PLD1: variants seen among roughly 807,000 people sequenced by gnomAD.
PLD1 encodes the protein phospholipase D1.
A neutral mutation model predicts 137.1 loss-of-function variants in PLD1; 112 were observed. The ratio of observed to expected loss-of-function variants is 0.82; its 90% CI spans 0.70 to 0.96. The LOEUF is 0.96. PLD1 is among the 40% of genes least tolerant of loss of function. The pLI, the probability that PLD1 is intolerant of heterozygous loss-of-function variation, is 0.00. For missense variants in PLD1, 1,321 were observed against 1,342.0 expected (o/e 0.98, Z 0.24); for synonymous variants, 431 against 454.7 (o/e 0.95, Z 0.66).
chr3:171,746,518 A>C (rs1338609092), intron 1 of PLD1, among the ~76,000 whole-genome samples: 7 of 152,316 alleles, frequency 4.6e-5, no homozygotes, highest in African/African-American at 1.4e-4. Flanking sequence ...TAAATACAAC[A>C]ATCAGCACTC....
At chr3:171,666,120 T>G (rs1294628672) in intron 19 of PLD1, 1 of 152,280 alleles carries the variant, frequency 6.6e-6, no homozygotes, top group Non-Finnish European at 1.5e-5. Flanking sequence ...CTTAACTGCT[T>G]TAAATGCTTG....
intron 1 of PLD1, among the ~76,000 whole-genome samples, chr3:171,779,397 A>T (rs747447746): frequency 7.2e-5 from 11 of 152,130 alleles, no homozygotes; most frequent in Non-Finnish European, 1.5e-4. Context: ...AGACTCTAAG[A>T]CTCATATGAG....
chr3:171,701,042 C>A (rs1716195452), intron 11 of PLD1, among the ~76,000 whole-genome samples: 1 of 152,174 alleles, frequency 6.6e-6, no homozygotes, highest in East Asian at 1.9e-4. Context: ...TCCCAGGCAG[C>A]CCTCTAAGCA....
intron 1 of PLD1, among the ~76,000 whole-genome samples, chr3:171,760,784 C>G (rs530182560): frequency 6.6e-6 from 1 of 152,288 alleles, no homozygotes; most frequent in African/African-American, 2.4e-5. Flanking sequence ...GAATCACATG[C>G]ATGAGTTTTC....
chr3:171,725,893 C>T, intron 7 of PLD1, 125 bp downstream of exon 7: 1 of 694,126 alleles, frequency 1.4e-6, no homozygotes. Flanking sequence ...GTTGCTCTAA[C>T]TACTGGGGAG....
intron 11 of PLD1, among the ~76,000 whole-genome samples, chr3:171,707,731 A>T (rs1379123193): frequency 1.3e-5 from 2 of 152,178 alleles, no homozygotes; most frequent in African/African-American, 4.8e-5. Flanking sequence ...GGAACTTACT[A>T]CTGGTACCTA....
intron 23 of PLD1, among the ~76,000 whole-genome samples, chr3:171,623,210 C>A (rs1733780106): frequency 6.6e-6 from 1 of 151,586 alleles, no homozygotes; most frequent in South Asian, 2.1e-4. Context: ...CCAACAAGTT[C>A]TCATGGAGTT....
intron 11 of PLD1, among the ~76,000 whole-genome samples, chr3:171,706,959 A>G (rs1290782009): frequency 6.6e-6 from 1 of 152,250 alleles, no homozygotes; most frequent in Non-Finnish European, 1.5e-5. Flanking sequence ...AATGTGGTAC[A>G]TATACACCAC....
intron 23 of PLD1, among the ~76,000 whole-genome samples, chr3:171,633,839 A>G (rs993844240): frequency 6.6e-6 from 1 of 152,182 alleles, no homozygotes; most frequent in African/African-American, 2.4e-5. Context: ...AAATTATAAA[A>G]ACAACAAAGA....
intron 5 of PLD1, 118 bp downstream of exon 5, chr3:171,734,747 G>T: frequency 1.6e-6 from 1 of 633,966 alleles, no homozygotes; most frequent in Non-Finnish European, 2.8e-6. Context: ...ACCAGCCTGG[G>T]GATCAATGAG....
intron 1 of PLD1, among the ~76,000 whole-genome samples, chr3:171,758,933 A>G (rs932362335): frequency 3.9e-5 from 6 of 152,226 alleles, no homozygotes; most frequent in Non-Finnish European, 7.3e-5. Context: ...CATGTAGCAA[A>G]TAAAAATACA....
intron 11 of PLD1, among the ~76,000 whole-genome samples, chr3:171,706,124 G>GTCTGTCTA (rs1553827515): frequency 6.8e-6 from 1 of 146,772 alleles, no homozygotes; most frequent in African/African-American, 2.5e-5. Flanking sequence ...GGGTCAGTCA[G>GTCTGTCTA]TCTATCTATC....
chr3:171,748,939 G>T (rs1300495685), intron 1 of PLD1, among the ~76,000 whole-genome samples: 1 of 151,180 alleles, frequency 6.6e-6, no homozygotes, highest in Non-Finnish European at 1.5e-5. Flanking sequence ...CCTGAATCAT[G>T]TCCCCCCTAA....
chr3:171,778,974 G>A (rs1722685526), intron 1 of PLD1, among the ~76,000 whole-genome samples: 1 of 152,166 alleles, frequency 6.6e-6, no homozygotes. Flanking sequence ...GATCACTTGA[G>A]GTCAGGAGTT....
intron 6 of PLD1, among the ~76,000 whole-genome samples, chr3:171,732,756 G>A (rs1027233621): frequency 3.3e-5 from 5 of 152,056 alleles, no homozygotes; most frequent in African/African-American, 1.2e-4. Flanking sequence ...AGTTATCCAG[G>A]CCTCTGAATA....
At chr3:171,751,726 C>T (rs548669690) in intron 1 of PLD1, among the ~76,000 whole-genome samples, 3 of 152,268 alleles carry the variant, frequency 2.0e-5, no homozygotes, top group Non-Finnish European at 2.9e-5. Flanking sequence ...CATGGCCAAG[C>T]GCGGTGGCTC....
intron 11 of PLD1, 56 bp downstream of exon 11, chr3:171,708,699 G>A: frequency 4.4e-6 from 4 of 911,476 alleles, no homozygotes; most frequent in Non-Finnish European, 7.4e-6. Context: ...CTATACCACT[G>A]TACATTTCTA....
chr3:171,728,862 A>G (rs551394563), intron 6 of PLD1, among the ~76,000 whole-genome samples: 16 of 152,324 alleles, frequency 1.1e-4, no homozygotes, highest in Non-Finnish European at 2.2e-4. Flanking sequence ...ATGAAATTTA[A>G]TTTATCCTAA....
At chr3:171,741,448 A>G (rs2108272123) in intron 1 of PLD1, among the ~76,000 whole-genome samples, 1 of 152,278 alleles carries the variant, frequency 6.6e-6, no homozygotes, top group Non-Finnish European at 1.5e-5. Context: ...CTTTCATCTA[A>G]AATAATCTAT....
Sources: gnomAD v4.1 joint callset for allele counts (sites outside exome capture counted in the v4.1 genomes callset) on GRCh38, gnomAD v4.1.1 for gene constraint, MANE v1.5 for transcripts, NCBI Gene and HGNC (gene_info 2026-07-23, HGNC 2026-07-21) for gene names.